The following CYP4F8 variants were observed in gnomAD, a reference collection of about 807,000 sequenced individuals.
The protein encoded by CYP4F8 is cytochrome P450 4F8.
Under a neutral mutation model 55.0 loss-of-function variants are expected in CYP4F8, and 56 were observed. That is an observed-to-expected ratio of 1.02 (90% confidence interval 0.82 to 1.27). CYP4F8 has a LOEUF of 1.27. Ranked by LOEUF, CYP4F8 falls within the 50% of genes most tolerant of loss-of-function variation. The pLI is 0.00. For missense variants in CYP4F8, 680 were observed against 682.4 expected (o/e 1.00, Z 0.04); for synonymous variants, 288 against 267.3 (o/e 1.08, Z -0.76).
intron 3 of CYP4F8, chr19:15,618,454 T>C: frequency 2.2e-6 from 1 of 446,066 alleles, no homozygotes; most frequent in Non-Finnish European, 4.2e-6. Context: ...CATCCCCAAC[T>C]TCATGGGGTT....
At chr19:15,620,516 G>A (rs1452798856) in intron 5 of CYP4F8, among the ~76,000 whole-genome samples, 9 of 152,102 alleles carry the variant, frequency 5.9e-5, no homozygotes, top group African/African-American at 9.7e-5. Flanking sequence ...TTAGCCTCGT[G>A]GGTAGATGGA....
chr19:15,624,950 C>CT (rs1472524967), intron 9 of CYP4F8, among the ~76,000 whole-genome samples: 1 of 151,884 alleles, frequency 6.6e-6, no homozygotes, highest in Non-Finnish European at 1.5e-5. Flanking sequence ...AAAATTATTT[C>CT]TTTTTTCTGT....
Position 15,625,875 on chromosome 19 carries a change from G to T in CYP4F8, c.1115+1781G>T, listed in dbSNP as rs147453012. ...CCATCAGTATGATTACAAAATGGTG[G>T]ATACTTTTATCTGTAAAACTTGTTG... On this transcript the variant is annotated intron_variant, in intron 9 of 12. Coordinates refer to ENST00000612078, the MANE Select transcript of CYP4F8 (RefSeq NM_007253.4). Among the ~76,000 whole-genome samples the T allele has an allele frequency of 5.9e-3, 903 of 152,188 alleles. 7 individuals are homozygous for T. Among genetic ancestry groups the T allele is most frequent in the Non-Finnish European group, 8.8e-3 (600 of 68,016 alleles).
intron 11 of CYP4F8, 61 bp from the exon 12 acceptor site, chr19:15,628,700 G>A: frequency 6.2e-7 from 1 of 1,609,724 alleles, no homozygotes; most frequent in African/African-American, 1.3e-5. Flanking sequence ...TCTGTTTTAT[G>A]TGGGGGTGGC....
chr19:15,624,408 C>CAA (rs1313122202), intron 9 of CYP4F8, among the ~76,000 whole-genome samples: 26 of 152,136 alleles, frequency 1.7e-4, no homozygotes, highest in Admixed American at 3.9e-4. Flanking sequence ...CACAGGGCTG[C>CAA]TTGGAGAATT....
chr19:15,628,834 C>A lies in CYP4F8; in HGVS notation c.1388C>A (p.Ala463Glu), dbSNP rs764392352. The stretch of plus-strand genomic sequence containing the variant: ...CCTATGGCTTTTATTCCTTTCTCGG[C>A]GGGGCCCAGGTGAGGCCAGGGGGTG... ...RSPMAFIPFS[A>E]GPRNCIGQKF... is the part of the protein sequence containing the mutation. Residue 463 changes from alanine to glutamate, a missense_variant, in exon 12 of 13, where the codon GCG becomes GAG. By Grantham distance (107) the Ala-to-Glu change is moderately radical. Transcript: ENST00000612078. The A allele has an allele frequency of 1.2e-6, 2 of 1,601,602 alleles. No individual in the cohort carries two copies. The highest frequency in any genetic ancestry group is 1.7e-6 in the Non-Finnish European group (2 of 1,174,544).
At chr19:15,618,406 G>A in intron 3 of CYP4F8, 1 of 585,688 alleles carries the variant, frequency 1.7e-6, no homozygotes, top group Non-Finnish European at 3.2e-6. Context: ...CTGTCCTGGA[G>A]GAATCCCCAA....
At position 15,628,541 on chromosome 19, in the gene CYP4F8, T is replaced by C. The variant is rs758089262; in HGVS notation, c.1260T>C (p.Cys420=). ...TCTCCTGCACGACAGGGAATGTCTGTAACATCAACATCTTCGCAATCCATC... is the reference window on the plus strand; with the variant it reads ...TCTCCTGCACGACAGGGAATGTCTGCAACATCAACATCTTCGCAATCCATC... ...DSRVIPKGNV[C]NINIFAIHHN... Residue 420 remains cysteine, a synonymous_variant, in exon 11 of 13, where the codon TGT becomes TGC. Coordinates refer to ENST00000612078, the MANE Select transcript of CYP4F8 (RefSeq NM_007253.4). The C allele has an allele frequency of 2.5e-6, 4 of 1,613,900 alleles. No homozygotes were observed. The highest frequency in any genetic ancestry group is 2.5e-6 in the Non-Finnish European group (3 of 1,179,848).
chr19:15,617,953 C>T, intron 2 of CYP4F8, 47 bp from the exon 3 acceptor site: 1 of 1,599,756 alleles, frequency 6.3e-7, no homozygotes, highest in Non-Finnish European at 8.5e-7. Flanking sequence ...CATCCCTTAA[C>T]CCAGTCAAGT....
chr19:15,627,473 C>CAAAAAA (rs34650719), intron 9 of CYP4F8: 1 of 125,274 alleles, frequency 8.0e-6, no homozygotes. Flanking sequence ...GAATCCATCT[C>CAAAAAA]AAAAAAAAAA....
chr19:15,623,413 G>A, intron 7 of CYP4F8, 38 bp downstream of exon 7: 2 of 1,605,208 alleles, frequency 1.2e-6, no homozygotes, highest in African/African-American at 1.3e-5. Context: ...GAGGTAAAAT[G>A]GAGCTTCAGG....
chr19:15,618,267 G>A, intron 3 of CYP4F8, 123 bp downstream of exon 3: 1 of 1,444,522 alleles, frequency 6.9e-7, no homozygotes, highest in South Asian at 1.1e-5. Flanking sequence ...TTCTCTCTCA[G>A]CCACCTTCCT....
At position 15,628,572 on chromosome 19, in the gene CYP4F8, C is replaced by A; in HGVS notation, c.1291C>A (p.Pro431Thr). The change falls in exon 11 of 13, where the codon CCC (proline) becomes ACC (threonine). Residue 431 changes from proline (P) to threonine (T), a missense_variant. Transcript: ENST00000612078. ...CAACATCTTCGCAATCCATCACAAC[C>A]CCTCAGTCTGGCCAGACCCTGAGGT... ...NINIFAIHHN[P>T]SVWPDPEVYD... 1.2e-6 allele frequency: 2 copies of A among 1,613,926 alleles called. No homozygotes were observed. The highest frequency in any genetic ancestry group is 2.2e-5 in the East Asian group (1 of 44,872).
rs1972100395 is a variant in CYP4F8 at position 15,615,266 on chromosome 19, T to G, written c.-16T>G. 1 of 184,418 alleles carries G rather than the reference T, an allele frequency of 5.4e-6. No individual in the cohort carries two copies. The highest frequency in any genetic ancestry group is 2.4e-5 in the African/African-American group (1 of 42,216). 11.4% of individuals were successfully genotyped at this position (184,418 alleles called of 1,614,324 possible). A position where few individuals can be genotyped will look rare whatever the true frequency, so the allele number is the denominator to read the frequency against. On this transcript the variant is annotated 5_prime_UTR_variant, in exon 1 of 13. Transcript: ENST00000612078. ...GGAGAGGAGGTTGTGCGGGACAACC[T>G]TCTCCTGACAGAAGGTGCCAGGCTG...
chr19:15,624,110 G>A lies in CYP4F8; in HGVS notation c.1115+16G>A. On this transcript the variant is annotated intron_variant, in intron 9 of 12. Transcript: ENST00000612078. ...AGATTGAATGGTGAGTGCAGGTGCT[G>A]GTGGCTCTGCCTTTCTGCCTTTCTG... The A allele has an allele frequency of 6.2e-7, 1 of 1,610,798 alleles. No homozygotes were observed. Among genetic ancestry groups the A allele is most frequent in the Admixed American group, 1.7e-5 (1 of 59,828 alleles).
intron 5 of CYP4F8, among the ~76,000 whole-genome samples, chr19:15,621,452 G>A (rs1011624601): frequency 1.3e-5 from 2 of 152,178 alleles, no homozygotes; most frequent in African/African-American, 4.8e-5. Flanking sequence ...CTTGAACCCA[G>A]CAGGCAGAGG....
chr19:15,623,885 G>A (rs979510832), intron 8 of CYP4F8, 80 bp from the exon 9 acceptor site: 1 of 1,596,390 alleles, frequency 6.3e-7, no homozygotes, highest in Non-Finnish European at 8.6e-7. Flanking sequence ...ACCTTCCTGA[G>A]AGCCTCAATG....
At position 15,623,951 on chromosome 19, in the gene CYP4F8, T is replaced by G; in HGVS notation, c.986-14T>G. On this transcript the variant is annotated splice_polypyrimidine_tract_variant and intron_variant, in intron 8 of 12. Coordinates refer to ENST00000612078, the MANE Select transcript of CYP4F8 (RefSeq NM_007253.4). ...AGCAGCCCAGAGACTCAAGCCTGCC[T>G]GGCTGACCCTCAGGCCATGACACCA... The G allele has an allele frequency of 6.2e-7, 1 of 1,613,550 alleles. No individual in the cohort carries two copies. The highest frequency in any genetic ancestry group is 1.1e-5 in the South Asian group (1 of 91,054).
intron 2 of CYP4F8, among the ~76,000 whole-genome samples, chr19:15,616,594 C>T (rs1455250242): frequency 2.0e-5 from 3 of 152,086 alleles, no homozygotes; most frequent in African/African-American, 7.2e-5. Flanking sequence ...TGGAGTTTTC[C>T]CATAGGAAGT....
Sources: gnomAD v4.1 joint callset for allele counts (sites outside exome capture counted in the v4.1 genomes callset) on GRCh38, gnomAD v4.1.1 for gene constraint, MANE v1.5 for transcripts, NCBI Gene and HGNC (gene_info 2026-07-23, HGNC 2026-07-21) for gene names.